The following TSHZ2 variants were observed in gnomAD, a reference collection of about 807,000 sequenced individuals.
The protein encoded by TSHZ2 is teashirt zinc finger homeobox 2, also known as teashirt homolog 2.
Under a neutral mutation model 74.4 loss-of-function variants are expected in TSHZ2, and 21 were observed. The ratio of observed to expected loss-of-function variants is 0.28; its 90% CI spans 0.20 to 0.41. TSHZ2 has a LOEUF of 0.41. Among genes scored for constraint, TSHZ2 ranks in the 10% least tolerant of loss-of-function variants. The pLI, the probability that TSHZ2 is intolerant of heterozygous loss-of-function variation, is 1.00. For synonymous variants in TSHZ2, 540 were observed against 515.3 expected (o/e 1.05, Z -0.65); for missense variants, 1,244 against 1,293.5 (o/e 0.96, Z 0.59).
At position 53,211,032 on chromosome 20, in the gene TSHZ2, A is replaced by C. The variant is rs542268355; in HGVS notation, c.41-42467A>C. ...GGATAATTATGTTCTCAGAGAATCC[A>C]TCTGGACATAATAAAAACAGCAGCA... On this transcript the variant is annotated intron_variant, in intron 1 of 2. Transcript: ENST00000371497. Among the ~76,000 whole-genome samples the C allele has an allele frequency of 1.7e-3, 257 of 152,346 alleles. 4 individuals carry two copies. Among genetic ancestry groups the C allele is most frequent in the African/African-American group, 6.0e-3 (250 of 41,582 alleles).
intron 2 of TSHZ2, among the ~76,000 whole-genome samples, chr20:53,483,673 T>C (rs1208835455): frequency 6.6e-6 from 1 of 152,218 alleles, no homozygotes; most frequent in Non-Finnish European, 1.5e-5. Context: ...TGGCAAGTAC[T>C]GAGTTAAGTA....
chr20:53,111,519 A>C (rs1288012852), intron 1 of TSHZ2, among the ~76,000 whole-genome samples: 1 of 152,202 alleles, frequency 6.6e-6, no homozygotes, highest in Non-Finnish European at 1.5e-5. Flanking sequence ...GATATGAATC[A>C]GCTCTTAAAT....
At chr20:53,437,298 C>A (rs1384368847) in intron 2 of TSHZ2, among the ~76,000 whole-genome samples, 8 of 152,044 alleles carry the variant, frequency 5.3e-5, no homozygotes, top group Admixed American at 4.6e-4. Flanking sequence ...CATGGTGAAA[C>A]CCTGTGTCTA....
chr20:53,423,162 G>T (rs776659666), intron 2 of TSHZ2, among the ~76,000 whole-genome samples: 2 of 152,172 alleles, frequency 1.3e-5, no homozygotes, highest in African/African-American at 2.4e-5. Flanking sequence ...ACTTTGGGAG[G>T]CTAAGGCAGG....
chr20:53,000,337 T>C (rs1035606079), intron 1 of TSHZ2, among the ~76,000 whole-genome samples: 7 of 152,250 alleles, frequency 4.6e-5, no homozygotes, highest in African/African-American at 7.2e-5. Context: ...TGGTCCTTTA[T>C]TGGAAAAGTT....
intron 1 of TSHZ2, among the ~76,000 whole-genome samples, chr20:53,073,922 T>C (rs547761086): frequency 6.6e-6 from 1 of 152,344 alleles, no homozygotes; most frequent in African/African-American, 2.4e-5. Context: ...TACAGATTTG[T>C]TTCAGGATTT....
chr20:52,988,359 G>C (rs2122905428), intron 1 of TSHZ2, among the ~76,000 whole-genome samples: 1 of 152,176 alleles, frequency 6.6e-6, no homozygotes, highest in South Asian at 2.1e-4. Context: ...GAAATTTCAA[G>C]GAGCTTGACT....
rs1048672779 is a variant in TSHZ2 at position 53,471,241 on chromosome 20, G to A, written c.*9-15903G>A. Among the ~76,000 whole-genome samples the A allele has an allele frequency of 2.0e-5, 3 of 152,006 alleles. No individual in the cohort carries two copies. In the East Asian group the frequency reaches 5.8e-4, roughly 29 times the overall value. On this transcript the variant is annotated intron_variant, in intron 2 of 2. Coordinates refer to ENST00000371497, the MANE Select transcript of TSHZ2 (RefSeq NM_173485.6). ...TTTTTTTTTCTTTTGTATTGTTTTA[G>A]TGATAAATACTTTAAAACCCTTCAT...
At chr20:53,481,331 G>A (rs1986143673) in intron 2 of TSHZ2, among the ~76,000 whole-genome samples, 2 of 152,074 alleles carry the variant, frequency 1.3e-5, no homozygotes, top group Admixed American at 1.3e-4. Flanking sequence ...CAACACTTTG[G>A]GAGGTCAAGG....
chr20:53,161,154 T>A (rs865799742), intron 1 of TSHZ2, among the ~76,000 whole-genome samples: 8,129 of 56,170 alleles, frequency 0.14, 121 homozygotes, highest in African/African-American at 0.25. Context: ...AAAAAAAAAA[T>A]AGGAGGTAAT....
In TSHZ2 at chr20:53,232,158, G is replaced by T. The variant is rs1027858689; in HGVS notation, c.41-21341G>T. ...TCCTGCCTCATCCTCCCAAAGTGTT[G>T]GTATTACAGGCATGAGCCACTGCAC... On this transcript the variant is annotated intron_variant, in intron 1 of 2. Transcript: ENST00000371497. 2.0e-5 allele frequency among the ~76,000 whole-genome samples: 3 copies of T among 152,148 alleles called. No homozygotes were observed. In the South Asian group the frequency reaches 6.2e-4, roughly 32 times the overall value.
intron 1 of TSHZ2, among the ~76,000 whole-genome samples, chr20:53,082,579 A>G (rs1985571028): frequency 6.6e-6 from 1 of 152,210 alleles, no homozygotes; most frequent in Non-Finnish European, 1.5e-5. Flanking sequence ...TTTGGAAAAC[A>G]TTGTCTTAGC....
chr20:53,335,003 T>C (rs1979886773), intron 2 of TSHZ2, among the ~76,000 whole-genome samples: 2 of 152,252 alleles, frequency 1.3e-5, no homozygotes, highest in African/African-American at 4.8e-5. Context: ...TTTTAAAGAA[T>C]CCTGTGTTGA....
At chr20:53,237,886 T>C (rs1040132199) in intron 1 of TSHZ2, among the ~76,000 whole-genome samples, 1 of 152,154 alleles carries the variant, frequency 6.6e-6, no homozygotes, top group Admixed American at 6.6e-5. Context: ...ACTGCAACCG[T>C]ACTCGAGACG....
chr20:53,338,178 C>T (rs200598), intron 2 of TSHZ2, among the ~76,000 whole-genome samples: 73,114 of 152,096 alleles, frequency 0.48, 18,379 homozygotes, highest in African/African-American at 0.61. Flanking sequence ...TATTCCACCT[C>T]ATAATTTATC....
At chr20:53,186,038 A>G (rs6097287) in intron 1 of TSHZ2, among the ~76,000 whole-genome samples, 13,921 of 152,146 alleles carry the variant, frequency 0.091, 1,845 homozygotes, top group African/African-American at 0.29. Flanking sequence ...AACGCTTCCA[A>G]TGTCTCTCCT....
chr20:53,382,437 C>T (rs1981893203), intron 2 of TSHZ2, among the ~76,000 whole-genome samples: 1 of 152,092 alleles, frequency 6.6e-6, no homozygotes, highest in Admixed American at 6.6e-5. Flanking sequence ...AGGAACGGTC[C>T]CAGTGGTTAA....
intron 2 of TSHZ2, among the ~76,000 whole-genome samples, chr20:53,482,384 TCAC>T (rs1246302338): frequency 6.6e-6 from 1 of 152,152 alleles, no homozygotes; most frequent in Non-Finnish European, 1.5e-5. Context: ...TGTCACATTG[TCAC>T]CACAACAGGA....
intron 2 of TSHZ2, among the ~76,000 whole-genome samples, chr20:53,428,961 A>G (rs1983747387): frequency 1.3e-5 from 2 of 152,202 alleles, no homozygotes; most frequent in Admixed American, 1.3e-4. Context: ...AGATGGTTGT[A>G]TCTCAAAGTC....
Sources: gnomAD v4.1 joint callset for allele counts (sites outside exome capture counted in the v4.1 genomes callset) on GRCh38, gnomAD v4.1.1 for gene constraint, MANE v1.5 for transcripts, NCBI Gene and HGNC (gene_info 2026-07-23, HGNC 2026-07-21) for gene names.